The following MATR3 variants were observed in gnomAD, a reference collection of about 807,000 sequenced individuals.
MATR3 encodes the protein matrin 3.
MATR3 carries 4 observed loss-of-function variants against 85.5 expected under a neutral mutation model. That is an observed-to-expected ratio of 0.05 (90% CI 0.02 to 0.11). MATR3 has a LOEUF of 0.11. MATR3 is among the 10% of genes least tolerant of loss of function. The pLI is 1.00. For missense variants in MATR3, 685 were observed against 1,016.1 expected (o/e 0.67, Z 4.43); for synonymous variants, 336 against 343.1 (o/e 0.98, Z 0.23).
rs1281544722 is a variant in MATR3 at position 139,314,682 on chromosome 5, G to A, written c.920G>A (p.Ser307Asn). The A allele has an allele frequency of 1.9e-6, 3 of 1,613,770 alleles. No homozygotes were observed. In the Admixed American group the frequency reaches 5.0e-5, roughly 27 times the overall value. Residue 307 changes from serine to asparagine, a missense_variant, in exon 3 of 15, where the codon AGT (serine) becomes AAT (asparagine). Around this residue, in one of 9 missense-constraint regions of MATR3, gnomAD observed 223 missense variants for 334.4 expected, o/e 0.67. Coordinates refer to ENST00000394805, the MANE Select transcript of MATR3 (RefSeq NM_018834.6). ...DLPVHSNKEW[S>N]QHINGASHSR... ...TAATTTACTTTGCTGCAGGAGTGGA[G>A]TCAACATATCAATGGAGCAAGTCAC...
In MATR3 at chr5:139,293,766, G is replaced by A. The variant is rs1445898851; in HGVS notation, c.-217G>A. 3 of 389,978 alleles carry A rather than the reference G, an allele frequency of 7.7e-6. No individual in the cohort carries two copies. Among genetic ancestry groups the A allele is most frequent in the Non-Finnish European group, 1.4e-5 (3 of 221,256 alleles). The allele number at this position is 389,978 out of a possible 1,614,324, so 24.2% of individuals were successfully genotyped here. On this transcript the variant is annotated 5_prime_UTR_variant, in exon 1 of 15. Transcript: ENST00000394805. ...GGAGTCTCCGCGTCCCGCTCGCTGG[G>A]AGAGAGGTACCTCTCCTTTTCCCTC...
intron 8 of MATR3, 84 bp from the exon 9 acceptor site, chr5:139,319,250 A>G: frequency 7.0e-7 from 1 of 1,430,306 alleles, no homozygotes; most frequent in East Asian, 2.3e-5. Flanking sequence ...TAAAAATAAA[A>G]CAATTGGTAA....
rs555740839 is a variant in MATR3, at chr5:139,284,014, TTG to T, written c.-178+4889_-178+4890del. ...CATAGAGCTAGACACAGGTGCCATG[TTG>T]TGTCTTGAAATGTATTCACCAGCTT... On this transcript the variant is annotated intron_variant, in intron 3 of 16. Transcript: ENST00000509990. 2.5e-3 allele frequency among the ~76,000 whole-genome samples: 380 copies of T among 152,318 alleles called. 2 individuals carry two copies. Among genetic ancestry groups the T allele is most frequent in the Middle Eastern group, 0.014 (4 of 294 alleles).
rs1212731119 is a variant in MATR3 at position 139,307,634 on chromosome 5, G to A, written c.219G>A (p.Leu73=). Residue 73 remains leucine, a synonymous_variant, in exon 2 of 15, where the codon CTG becomes CTA. Coordinates refer to ENST00000394805, the MANE Select transcript of MATR3 (RefSeq NM_018834.6). The surrounding 1 kb of genome is among the most constrained non-coding windows in gnomAD (Gnocchi z 4.4). ...SLNQQGAHSA[L]SSASTSSHNL... is the part of the protein sequence containing the mutation. ...ATCAACAAGGAGCTCATAGTGCACTGTCTTCTGCTAGTACTTCTTCCCATA... is the reference window on the plus strand; with the variant it reads ...ATCAACAAGGAGCTCATAGTGCACTATCTTCTGCTAGTACTTCTTCCCATA... 1.2e-6 allele frequency: 2 copies of A among 1,614,018 alleles called. No homozygotes were observed. The highest frequency in any genetic ancestry group is 1.7e-6 in the Non-Finnish European group (2 of 1,180,016).
At chr5:139,325,242 C>T in intron 12 of MATR3, 198 bp from the exon 13 acceptor site, 1 of 1,543,268 alleles carries the variant, frequency 6.5e-7, no homozygotes, top group Middle Eastern at 1.7e-4. Flanking sequence ...GTAAAGCAGA[C>T]AGAAGGGATG....
intron 3 of MATR3, among the ~76,000 whole-genome samples, chr5:139,287,230 A>G (rs778205636): frequency 7.9e-5 from 12 of 152,252 alleles, no homozygotes; most frequent in Non-Finnish European, 1.6e-4. Flanking sequence ...GTGTCAAAGT[A>G]TATGTCCCCA....
At chr5:139,301,212 C>T (rs950005199) in intron 1 of MATR3, among the ~76,000 whole-genome samples, 4 of 152,132 alleles carry the variant, frequency 2.6e-5, no homozygotes, top group African/African-American at 9.7e-5. Flanking sequence ...GTAATAGAAC[C>T]AGGATTCACA....
upstream of MATR3, among the ~76,000 whole-genome samples, chr5:139,288,873 T>C (rs984357134): frequency 1.3e-5 from 2 of 152,012 alleles, no homozygotes; most frequent in Admixed American, 6.6e-5. Context: ...CGATCTGACC[T>C]CATGATCCAC....
chr5:139,281,083 C>T lies in MATR3; in HGVS notation c.-178+1954C>T, dbSNP rs554803532. ...CTGGTGTGCAGTGGCACAAGCACAG[C>T]TCACTGCACCCTTGACCTCCTGGGC... On this transcript the variant is annotated intron_variant, in intron 3 of 16. Coordinates refer to ENST00000509990, the Ensembl canonical transcript of MATR3. Among the ~76,000 whole-genome samples the T allele has an allele frequency of 3.9e-5, 6 of 152,328 alleles. No individual in the cohort carries two copies. In the South Asian group the frequency reaches 1.2e-3, roughly 32 times the overall value.
chr5:139,285,356 T>C (rs1581204983), intron 3 of MATR3: 1 of 152,218 alleles, frequency 6.6e-6, no homozygotes, highest in East Asian at 1.9e-4. Context: ...AAAATATTCC[T>C]CTGGAAAGCC....
At chr5:139,326,391 G>T in intron 14 of MATR3, 107 bp downstream of exon 14, 2 of 1,008,366 alleles carry the variant, frequency 2.0e-6, no homozygotes, top group Non-Finnish European at 3.0e-6. Flanking sequence ...ACTCAGTGCA[G>T]TGCTTTCTCC....
chr5:139,304,860 TG>T (rs1181735762), intron 1 of MATR3, among the ~76,000 whole-genome samples: 1 of 152,196 alleles, frequency 6.6e-6, no homozygotes, highest in African/African-American at 2.4e-5. Flanking sequence ...TAATAGGCAG[TG>T]GGGCCCATGT....
intron 3 of MATR3, chr5:139,282,754 A>G (rs1270627411): frequency 6.6e-6 from 1 of 152,234 alleles, no homozygotes; most frequent in East Asian, 1.9e-4. Context: ...CGTTGAAGAT[A>G]CCACATTACA....
chr5:139,274,156 G>A (rs1182951793), exon 1 of MATR3: 2 of 426,956 alleles, frequency 4.7e-6, no homozygotes, highest in Admixed American at 2.8e-5. Flanking sequence ...CTCCGAACAC[G>A]TGCGCGTGAG....
chr5:139,281,344 GT>G (rs1276759606), intron 3 of MATR3, among the ~76,000 whole-genome samples: 37 of 120,172 alleles, frequency 3.1e-4, no homozygotes, highest in African/African-American at 6.4e-4. Flanking sequence ...CCTCGAAGTA[GT>G]TTTTTTTTTT....
At chr5:139,294,093 G>C (rs1218487964) in intron 1 of MATR3, 11 of 1,253,202 alleles carry the variant, frequency 8.8e-6, no homozygotes, top group Non-Finnish European at 1.1e-5. Flanking sequence ...GAGATTTTGG[G>C]TGAAGAGGTG....
At chr5:139,323,981 A>G (rs1026324783) in intron 12 of MATR3, among the ~76,000 whole-genome samples, 2 of 152,112 alleles carry the variant, frequency 1.3e-5, no homozygotes, top group African/African-American at 2.4e-5. Flanking sequence ...CTCAAAACCA[A>G]TATTTACCTC....
chr5:139,325,550 T>A lies in MATR3; in HGVS notation c.2259T>A (p.Asp753Glu), dbSNP rs754953289. The change falls in exon 13 of 15, where the codon GAT becomes GAA. Residue 753 changes from aspartate to glutamate, a missense_variant. Physicochemically the swap from Asp to Glu is conservative, Grantham distance 45. Around this residue, in one of 9 missense-constraint regions of MATR3, gnomAD observed 215 missense variants for 194.7 expected, o/e 1.10. Transcript: ENST00000394805. ...PGAESSENAD[D>E]PNKDTSENAD... Reference sequence around the variant, plus strand: ...CTGAATCTTCTGAGAACGCTGATGATCCCAACAAAGATACAAGTGAAAACG... The same window carrying A: ...CTGAATCTTCTGAGAACGCTGATGAACCCAACAAAGATACAAGTGAAAACG... The A allele has an allele frequency of 2.2e-5, 35 of 1,614,030 alleles. No homozygotes were observed. Among genetic ancestry groups the A allele is most frequent in the Non-Finnish European group, 8.5e-7 (1 of 1,180,046 alleles).
chr5:139,295,624 G>A (rs766417659), intron 1 of MATR3, among the ~76,000 whole-genome samples: 2 of 152,118 alleles, frequency 1.3e-5, no homozygotes, highest in Non-Finnish European at 2.9e-5. Flanking sequence ...TTTTACTAAT[G>A]CTTTTAGAGT....
Sources: allele counts gnomAD v4.1 joint callset (sites outside exome capture counted in the v4.1 genomes callset), GRCh38; gene constraint gnomAD v4.1.1; regional missense constraint gnomAD v4.1.1; non-coding constraint Gnocchi (gnomAD v3.1); transcripts MANE v1.5; gene names NCBI Gene and HGNC (gene_info 2026-07-23, HGNC 2026-07-21).